CNOT2: variants seen among roughly 807,000 people sequenced by gnomAD.
The protein encoded by CNOT2 is CC chemokine receptor 4-negative regulator of transcription 2.
A neutral mutation model predicts 72.1 loss-of-function variants in CNOT2; 7 were observed. That is an observed-to-expected ratio of 0.10 (90% CI 0.06 to 0.18). The LOEUF (loss-of-function observed/expected upper bound fraction) is 0.18. Among genes scored for constraint, CNOT2 ranks in the 10% least tolerant of loss-of-function variants. CNOT2 has a pLI of 1.00. For synonymous variants in CNOT2, 196 were observed against 225.6 expected (o/e 0.87, Z 1.17); for missense variants, 345 against 660.3 (o/e 0.52, Z 5.23).
chr12:70,285,905 A>G (rs747433436), intron 2 of CNOT2, among the ~76,000 whole-genome samples: 73 of 151,978 alleles, frequency 4.8e-4, no homozygotes, highest in Non-Finnish European at 9.0e-4. Context: ...TGAGTGAGGA[A>G]CCCATGGTAA....
intron 4 of CNOT2, among the ~76,000 whole-genome samples, chr12:70,324,914 T>C (rs1404125): frequency 0.7 from 106,594 of 151,654 alleles, 37,764 homozygotes; most frequent in East Asian, 0.93. Context: ...GAGTCTCATA[T>C]GTTATTTAAT....
chr12:70,247,904 C>G (rs2135688225), intron 1 of CNOT2, among the ~76,000 whole-genome samples: 1 of 152,326 alleles, frequency 6.6e-6, no homozygotes, highest in East Asian at 1.9e-4. Context: ...TATTCCTTCA[C>G]TTCCTTGAAT....
chr12:70,253,477 A>G (rs957937553), intron 1 of CNOT2, among the ~76,000 whole-genome samples: 1 of 152,152 alleles, frequency 6.6e-6, no homozygotes, highest in African/African-American at 2.4e-5. Flanking sequence ...TATTTTTTTG[A>G]AAGTTGAGAA....
In CNOT2 at chr12:70,252,410, C is replaced by G. The variant is rs995730956; in HGVS notation, c.-96+8930C>G. Among the ~76,000 whole-genome samples the G allele has an allele frequency of 5.9e-5, 9 of 152,264 alleles. No homozygotes were observed. The South Asian group carries it at 6.2e-4, about 11-fold the overall frequency. ...CCATGTTGCCCAGGGTGGTCTTGAA[C>G]TCCTGCGCTCAAGCCATCTGCCTGC... On this transcript the variant is annotated intron_variant, in intron 1 of 15. Transcript: ENST00000229195.
Position 70,338,674 on chromosome 12 carries a change from A to G in CNOT2, c.1030A>G (p.Thr344Ala), listed in dbSNP as rs927203343. The change falls in exon 11 of 16, where the codon ACT (threonine) becomes GCT (alanine). Residue 344 changes from threonine to alanine, a missense_variant. Coordinates refer to ENST00000229195, the MANE Select transcript of CNOT2 (RefSeq NM_014515.7). Reference protein sequence around the residue: ...GIQVLPDGRVTNIPQGMVTDQ... With the variant: ...GIQVLPDGRVANIPQGMVTDQ... ...GTGTTTTTCCTACCCAGGTCGGGTT[A>G]CTAACATTCCTCAAGGGATGGTGAC... 1 of 1,612,820 alleles carries G rather than the reference A, an allele frequency of 6.2e-7. No individual in the cohort carries two copies. Among genetic ancestry groups the G allele is most frequent in the Non-Finnish European group, 8.5e-7 (1 of 1,179,394 alleles).
At chr12:70,334,063 A>C (rs2136038405) in intron 7 of CNOT2, among the ~76,000 whole-genome samples, 1 of 152,150 alleles carries the variant, frequency 6.6e-6, no homozygotes, top group South Asian at 2.1e-4. Flanking sequence ...ATTCTTTCAT[A>C]AAAATATAGA....
chr12:70,304,575 G>A (rs1026653201), intron 2 of CNOT2, among the ~76,000 whole-genome samples: 2 of 152,224 alleles, frequency 1.3e-5, no homozygotes, highest in Non-Finnish European at 2.9e-5. Context: ...TTTGTCTCAG[G>A]AGTATCTGGC....
rs867779184 is a variant in CNOT2, at chr12:70,353,834, C to T, written c.1542C>T (p.Phe514=). ...TCTTGAATTTGTTTTTATAGGAGTT[C>T]CATCTGGAATATGACAAATTAGAAG... The part of the protein sequence containing the change: ...CLNWRKVAKE[F]HLEYDKLEER... The change falls in exon 16 of 16, where the codon TTC becomes TTT. Residue 514 remains phenylalanine (F), a synonymous_variant. Coordinates refer to ENST00000229195, the MANE Select transcript of CNOT2 (RefSeq NM_014515.7). The T allele has an allele frequency of 6.2e-7, 1 of 1,606,906 alleles. No individual in the cohort carries two copies. Among genetic ancestry groups the T allele is most frequent in the Non-Finnish European group, 8.5e-7 (1 of 1,177,846 alleles).
intron 1 of CNOT2, chr12:70,243,767 T>G (rs1957702962): frequency 6.6e-6 from 1 of 152,228 alleles, no homozygotes; most frequent in Non-Finnish European, 1.5e-5. Context: ...CTCGGGCCGC[T>G]GCAGCAGCAG....
intron 1 of CNOT2, among the ~76,000 whole-genome samples, chr12:70,266,969 T>C (rs1208357228): frequency 6.8e-6 from 1 of 147,646 alleles, no homozygotes; most frequent in East Asian, 2.1e-4. Context: ...TTCCATTTGC[T>C]TTTTCACTCA....
intron 5 of CNOT2, 100 bp from the exon 6 acceptor site, chr12:70,330,187 G>A (rs1201435056): frequency 2.8e-5 from 16 of 564,786 alleles, no homozygotes; most frequent in South Asian, 2.7e-4. Context: ...CAATTTGAAA[G>A]TATATTTGAG....
chr12:70,346,549 T>A, intron 15 of CNOT2: 1 of 379,844 alleles, frequency 2.6e-6, no homozygotes, highest in Non-Finnish European at 4.7e-6. Flanking sequence ...TTTGTAATTT[T>A]GCATAAGCCT....
At chr12:70,329,604 T>C (rs915420738) in intron 5 of CNOT2, 34 bp downstream of exon 5, 1 of 1,519,212 alleles carries the variant, frequency 6.6e-7, no homozygotes, top group Non-Finnish European at 9.1e-7. Flanking sequence ...TTTTTCAAAA[T>C]GTATCTTGGT....
intron 2 of CNOT2, among the ~76,000 whole-genome samples, chr12:70,284,461 G>A (rs2135833299): frequency 6.6e-6 from 1 of 151,974 alleles, no homozygotes; most frequent in South Asian, 2.1e-4. Context: ...GGCCACGCTA[G>A]TCTCAAACTC....
At chr12:70,280,512 C>T (rs1000428985) in intron 2 of CNOT2, among the ~76,000 whole-genome samples, 4 of 152,082 alleles carry the variant, frequency 2.6e-5, no homozygotes, top group Non-Finnish European at 5.9e-5. Flanking sequence ...TTCTTTGTGT[C>T]TATGTTTATA....
intron 2 of CNOT2, 120 bp from the exon 3 acceptor site, chr12:70,310,775 G>C (rs1876314922): frequency 2.2e-5 from 16 of 734,682 alleles, no homozygotes; most frequent in Non-Finnish European, 3.5e-5. Flanking sequence ...CTAGCCATTA[G>C]TTGATCAATT....
chr12:70,268,619 TA>T (rs199622014), intron 1 of CNOT2, among the ~76,000 whole-genome samples: 2 of 146,488 alleles, frequency 1.4e-5, no homozygotes, highest in Admixed American at 1.5e-4. Flanking sequence ...TCAGCTTATT[TA>T]AAAAAAATTT....
At chr12:70,305,970 C>G (rs1875291879) in intron 2 of CNOT2, among the ~76,000 whole-genome samples, 1 of 137,470 alleles carries the variant, frequency 7.3e-6, no homozygotes, top group South Asian at 2.3e-4. Context: ...GAATGTCATG[C>G]CTTAGGAATT....
chr12:70,300,418 A>G (rs1295938828), intron 2 of CNOT2, among the ~76,000 whole-genome samples: 1 of 152,238 alleles, frequency 6.6e-6, no homozygotes, highest in Non-Finnish European at 1.5e-5. Context: ...GAAGTGATCC[A>G]GTTTCAGCTT....
Sources: gnomAD v4.1 joint callset for allele counts (sites outside exome capture counted in the v4.1 genomes callset) on GRCh38, gnomAD v4.1.1 for gene constraint, MANE v1.5 for transcripts, NCBI Gene and HGNC (gene_info 2026-07-23, HGNC 2026-07-21) for gene names.